The following MTUS2 variants were observed in gnomAD, a reference collection of about 807,000 sequenced individuals.
MTUS2 encodes the protein microtubule-associated tumor suppressor candidate 2.
In MTUS2, 40 loss-of-function variants were observed where a neutral mutation model predicts 114.1. The observed-to-expected ratio is 0.35, with a 90% CI of 0.27 to 0.46. The LOEUF (loss-of-function observed/expected upper bound fraction) is 0.46, where lower values mean the gene tolerates loss of function less well. Among genes scored for constraint, MTUS2 ranks in the 20% least tolerant of loss-of-function variants. The pLI is 1.00. For missense variants in MTUS2, 1,679 were observed against 1,705.4 expected (o/e 0.98, Z 0.27); for synonymous variants, 688 against 672.0 (o/e 1.02, Z -0.37).
In MTUS2 at chr13:29,359,441, C is replaced by T. The variant is rs1870047737; in HGVS notation, c.3085C>T (p.Leu1029Phe). 6.2e-7 allele frequency: 1 copy of T among 1,612,534 alleles called. No individual in the cohort carries two copies. The highest frequency in any genetic ancestry group is 2.2e-5 in the East Asian group (1 of 44,868). ...LKRAICGFDA[L>F]AVATQHFFRK... The stretch of plus-strand genomic sequence containing the variant: ...GAGGGCCATCTGCGGCTTTGATGCC[C>T]TCGCCGTGGCCACGCAGCATTTCTT... Residue 1029 changes from leucine to phenylalanine, a missense_variant, in exon 8 of 16, where the codon CTC (leucine) becomes TTC (phenylalanine). Around this residue, in one of 3 missense-constraint regions of MTUS2, gnomAD observed 822 missense variants for 899.7 expected, o/e 0.91. Transcript: ENST00000612955.
chr13:29,002,189 A>G (rs960469995), intron 2 of MTUS2, among the ~76,000 whole-genome samples: 5 of 152,234 alleles, frequency 3.3e-5, no homozygotes, highest in African/African-American at 1.2e-4. Flanking sequence ...TGTATTATAC[A>G]TACGTCTGGG....
At chr13:28,869,367 G>A (rs970399752) in intron 2 of MTUS2, among the ~76,000 whole-genome samples, 4 of 152,088 alleles carry the variant, frequency 2.6e-5, no homozygotes, top group Admixed American at 6.6e-5. Context: ...CATTTTTACC[G>A]TTATTTAAAG....
intron 5 of MTUS2, among the ~76,000 whole-genome samples, chr13:29,243,346 G>A (rs767357177): frequency 2.0e-5 from 3 of 152,110 alleles, no homozygotes; most frequent in Non-Finnish European, 4.4e-5. Flanking sequence ...TAGCTGGGCC[G>A]CAGGAGCCAA....
At chr13:29,308,905 G>A (rs957360606) in intron 6 of MTUS2, among the ~76,000 whole-genome samples, 3 of 150,800 alleles carry the variant, frequency 2.0e-5, no homozygotes, top group South Asian at 2.1e-4. Context: ...AACAAAACAG[G>A]TGCTGGTGAG....
At chr13:28,867,201 C>T (rs1195180337) in intron 2 of MTUS2, among the ~76,000 whole-genome samples, 1 of 152,172 alleles carries the variant, frequency 6.6e-6, no homozygotes, top group East Asian at 1.9e-4. Context: ...AGGACCTGTG[C>T]TCTTTAATGT....
intron 8 of MTUS2, among the ~76,000 whole-genome samples, chr13:29,376,017 G>T (rs1294630875): frequency 1.5e-5 from 1 of 67,154 alleles, no homozygotes; most frequent in Non-Finnish European, 2.9e-5. Flanking sequence ...GTGTGTGTAT[G>T]TATGTGTGTG....
chr13:29,337,500 GATGAGCCATGTACCTCAGTTGGAAAT>G (rs1901128614), intron 7 of MTUS2, among the ~76,000 whole-genome samples: 1 of 152,160 alleles, frequency 6.6e-6, no homozygotes, highest in Non-Finnish European at 1.5e-5. Context: ...GTCCCAATGA[GATGAGCCATGTACCTCAGTTGGAAAT>G]ACAAAAATCA....
At chr13:29,457,618 C>T (rs968208819) in intron 9 of MTUS2, among the ~76,000 whole-genome samples, 3 of 152,046 alleles carry the variant, frequency 2.0e-5, no homozygotes, top group African/African-American at 7.2e-5. Flanking sequence ...TTATTACAAG[C>T]CTTTTGTGGA....
At chr13:29,337,202 A>AG (rs1901109989) in intron 7 of MTUS2, among the ~76,000 whole-genome samples, 1 of 146,038 alleles carries the variant, frequency 6.8e-6, no homozygotes, top group South Asian at 2.1e-4. Flanking sequence ...AAAAAAAAAA[A>AG]ACTCCTGCAA....
At chr13:28,972,310 C>G (rs543668083) in intron 2 of MTUS2, among the ~76,000 whole-genome samples, 2 of 152,130 alleles carry the variant, frequency 1.3e-5, no homozygotes, top group African/African-American at 4.8e-5. Flanking sequence ...CCGGTTCTTC[C>G]GGGACACTTG....
chr13:29,026,382 G>A lies in MTUS2; in HGVS notation c.1684G>A (p.Gly562Ser), dbSNP rs369225061. 7.4e-6 allele frequency: 12 copies of A among 1,613,752 alleles called. No homozygotes were observed. The highest frequency in any genetic ancestry group is 2.7e-5 in the African/African-American group (2 of 74,878). ...CAGTTTTCAGGATGTTAGCGTGTTC[G>A]GTATGGATGCGGGGTCCCCCTTGGT... ...SSSFQDVSVF[G>S]MDAGSPLVVP... The change falls in exon 3 of 16, where the codon GGT becomes AGT. Residue 562 changes from glycine (G) to serine (S), a missense_variant. Gly to Ser is a moderately conservative substitution (Grantham distance 56). This residue lies in a region of MTUS2 where 843 missense variants were observed against 770.8 expected (regional missense o/e 1.09). Coordinates refer to ENST00000612955, the MANE Select transcript of MTUS2 (RefSeq NM_001033602.4).
chr13:29,265,982 C>T (rs771606652), intron 5 of MTUS2, among the ~76,000 whole-genome samples: 3 of 152,070 alleles, frequency 2.0e-5, no homozygotes, highest in Admixed American at 6.5e-5. Context: ...GAAAAAGCAC[C>T]GCCATTCTCT....
At chr13:29,347,391 C>T (rs1226734943) in intron 7 of MTUS2, among the ~76,000 whole-genome samples, 1 of 148,926 alleles carries the variant, frequency 6.7e-6, no homozygotes, top group Admixed American at 6.8e-5. Context: ...TTCAGATTTC[C>T]CTTTTTGATT....
chr13:29,248,904 C>T (rs1171068138), intron 5 of MTUS2, among the ~76,000 whole-genome samples: 1 of 152,074 alleles, frequency 6.6e-6, no homozygotes, highest in Non-Finnish European at 1.5e-5. Context: ...TGGTTGCATG[C>T]CTTTGTTATT....
intron 5 of MTUS2, among the ~76,000 whole-genome samples, chr13:29,204,376 C>G (rs922386385): frequency 6.6e-6 from 1 of 152,164 alleles, no homozygotes; most frequent in Non-Finnish European, 1.5e-5. Flanking sequence ...CCGGGGTTGC[C>G]AAGCCTTCCA....
At chr13:29,062,663 AC>A (rs1427654904) in intron 4 of MTUS2, among the ~76,000 whole-genome samples, 3 of 152,090 alleles carry the variant, frequency 2.0e-5, no homozygotes, top group Admixed American at 1.3e-4. Flanking sequence ...GTATGCTGTG[AC>A]TTAGATATCG....
chr13:29,492,727 T>A lies in MTUS2; in HGVS notation c.3579+8T>A. 1 of 1,598,826 alleles carries A rather than the reference T, an allele frequency of 6.3e-7. No homozygotes were observed. Among genetic ancestry groups the A allele is most frequent in the Non-Finnish European group, 8.6e-7 (1 of 1,166,450 alleles). On this transcript the variant is annotated splice_region_variant and intron_variant, in intron 12 of 15. Coordinates refer to ENST00000612955, the MANE Select transcript of MTUS2 (RefSeq NM_001033602.4). The stretch of plus-strand genomic sequence containing the variant: ...CTGCGGCTGTCATTGCAGGTTAGTA[T>A]TTCTTTAATTTTCTTACCTGGTATC...
intron 5 of MTUS2, among the ~76,000 whole-genome samples, chr13:29,243,992 G>A (rs2139405207): frequency 6.6e-6 from 1 of 152,370 alleles, no homozygotes; most frequent in African/African-American, 2.4e-5. Context: ...GAGTCTGTGA[G>A]ACCAGGGGTG....
chr13:29,402,603 T>A (rs1458648538), intron 8 of MTUS2, among the ~76,000 whole-genome samples: 1 of 152,166 alleles, frequency 6.6e-6, no homozygotes, highest in African/African-American at 2.4e-5. Context: ...GAGGATGACC[T>A]CAGCAGGGCC....
Sources: allele counts gnomAD v4.1 joint callset (sites outside exome capture counted in the v4.1 genomes callset), GRCh38; gene constraint gnomAD v4.1.1; regional missense constraint gnomAD v4.1.1; transcripts MANE v1.5; gene names NCBI Gene and HGNC (gene_info 2026-07-23, HGNC 2026-07-21).